The following PRCP variants were observed in gnomAD, a reference collection of about 807,000 sequenced individuals.
PRCP encodes lysosomal Pro-X carboxypeptidase.
In PRCP, 46 loss-of-function variants were observed where a neutral mutation model predicts 54.2. The ratio of observed to expected loss-of-function variants is 0.85; its 90% CI spans 0.67 to 1.09. The LOEUF is 1.09. Among genes scored for constraint, PRCP ranks in the 50% least tolerant of loss-of-function variants. PRCP has a pLI of 0.00. For synonymous variants in PRCP, 240 were observed against 212.2 expected (o/e 1.13, Z -1.14); for missense variants, 613 against 596.8 (o/e 1.03, Z -0.28).
At chr11:82,900,116 C>G in intron 1 of PRCP, 119 bp downstream of exon 1, 2 of 1,324,464 alleles carry the variant, frequency 1.5e-6, no homozygotes, top group Non-Finnish European at 2.1e-6. Context: ...AGCCAAAAAC[C>G]GAACAGATCC....
chr11:82,839,362 G>A lies in PRCP; in HGVS notation c.985C>T (p.Gln329Ter), dbSNP rs1008220080. 1.9e-6 allele frequency: 3 copies of A among 1,613,714 alleles called. No individual in the cohort carries two copies. The highest frequency in any genetic ancestry group is 2.5e-6 in the Non-Finnish European group (3 of 1,179,814). Residue 329 changes from glutamine to a stop codon, truncating the protein, a stop_gained, in exon 7 of 9, where the codon CAA (glutamine) becomes TAA (stop). Coordinates refer to ENST00000313010, the MANE Select transcript of PRCP (RefSeq NM_005040.4). LOFTEE classifies it high-confidence loss of function. ...SDSLLLQNIF[Q>*]ALNVYYNYSG... ...TAATTGTAATATACATTCAGAGCTT[G>A]GAAAATATTCTGCAGCAGCAGTGAA...
intron 1 of PRCP, among the ~76,000 whole-genome samples, chr11:82,891,452 T>G (rs1022650299): frequency 3.9e-5 from 6 of 152,218 alleles, no homozygotes; most frequent in African/African-American, 9.6e-5. Context: ...TCTTAAGATT[T>G]ATTAATCAGA....
At chr11:82,875,746 T>C (rs943693735) in intron 1 of PRCP, among the ~76,000 whole-genome samples, 6 of 152,198 alleles carry the variant, frequency 3.9e-5, no homozygotes, top group Admixed American at 1.3e-4. Context: ...GTGATTGTTA[T>C]GGCAGCAAAG....
intron 1 of PRCP, among the ~76,000 whole-genome samples, chr11:82,890,738 T>C (rs1336057430): frequency 6.6e-6 from 1 of 152,240 alleles, no homozygotes; most frequent in Non-Finnish European, 1.5e-5. Flanking sequence ...TCTGAGGAAA[T>C]TGCTGTCAAG....
At chr11:82,880,103 G>A (rs1162683320) in intron 1 of PRCP, among the ~76,000 whole-genome samples, 1 of 152,220 alleles carries the variant, frequency 6.6e-6, no homozygotes, top group African/African-American at 2.4e-5. Context: ...AGTTTCTGCT[G>A]CCTTTTGTTC....
At chr11:82,854,056 T>C (rs1195839793) in intron 2 of PRCP, among the ~76,000 whole-genome samples, 1 of 152,224 alleles carries the variant, frequency 6.6e-6, no homozygotes, top group Non-Finnish European at 1.5e-5. Context: ...TCGTACTGAA[T>C]GGGCAAAAGC....
At chr11:82,856,242 C>T (rs1320655721) in intron 2 of PRCP, among the ~76,000 whole-genome samples, 3 of 152,166 alleles carry the variant, frequency 2.0e-5, no homozygotes, top group African/African-American at 7.2e-5. Flanking sequence ...GCACTGTTTG[C>T]AATATCAAAG....
upstream of PRCP, among the ~76,000 whole-genome samples, chr11:82,901,187 G>T (rs1325971419): frequency 6.6e-6 from 1 of 152,144 alleles, no homozygotes; most frequent in Non-Finnish European, 1.5e-5. Context: ...CCAAAACTGT[G>T]TTGCTCGCAC....
At chr11:82,835,737 A>AG (rs1379998567) in intron 8 of PRCP, 1 of 345,278 alleles carries the variant, frequency 2.9e-6, no homozygotes, top group African/African-American at 2.2e-5. Flanking sequence ...AAGAAAAAGG[A>AG]GAAAAAAAAG....
intron 3 of PRCP, among the ~76,000 whole-genome samples, chr11:82,852,694 G>T (rs1222376803): frequency 6.6e-6 from 1 of 152,048 alleles, no homozygotes; most frequent in Non-Finnish European, 1.5e-5. Flanking sequence ...TGTGAGAACA[G>T]GAAAGGCTGA....
chr11:82,890,508 C>A (rs77246540), intron 1 of PRCP, among the ~76,000 whole-genome samples: 4 of 151,980 alleles, frequency 2.6e-5, no homozygotes, highest in Non-Finnish European at 4.4e-5. Context: ...TTTCTTGTTC[C>A]GTCACTTTCT....
intron 1 of PRCP, among the ~76,000 whole-genome samples, chr11:82,890,824 T>A (rs1859991048): frequency 6.6e-6 from 1 of 152,238 alleles, no homozygotes; most frequent in Non-Finnish European, 1.5e-5. Context: ...GGTTACCTTC[T>A]TACGGAAATG....
Position 82,835,708 on chromosome 11 carries a change from C to T in PRCP, c.1274+2679G>A, listed in dbSNP as rs902923766. ...AAGACATTTCTGATGTTCTAGATGA[C>T]TTGAACTTCTTTAATCAGAAGAAAA... On this transcript the variant is annotated intron_variant, in intron 8 of 8. Transcript: ENST00000313010. 3.7e-5 allele frequency: 12 copies of T among 326,694 alleles called. No individual in the cohort carries two copies. The Admixed American group carries it at 4.7e-4, about 13-fold the overall frequency. The allele number at this position is 326,694 out of a possible 1,614,324, so 20.2% of individuals were successfully genotyped here. A position where few individuals can be genotyped will look rare whatever the true frequency, so the allele number is the denominator to read the frequency against.
intron 1 of PRCP, among the ~76,000 whole-genome samples, chr11:82,864,302 T>C (rs750340371): frequency 5.9e-5 from 9 of 152,256 alleles, no homozygotes; most frequent in Non-Finnish European, 1.2e-4. Context: ...GGCTCCTTCC[T>C]ATCATCAAGG....
chr11:82,872,720 T>C (rs1326108784), intron 1 of PRCP, among the ~76,000 whole-genome samples: 1 of 152,196 alleles, frequency 6.6e-6, no homozygotes, highest in Non-Finnish European at 1.5e-5. Flanking sequence ...TTTGGACTTC[T>C]GGCCTCGGGA....
chr11:82,879,297 C>A (rs1483755624), intron 1 of PRCP, among the ~76,000 whole-genome samples: 1 of 152,202 alleles, frequency 6.6e-6, no homozygotes, highest in East Asian at 1.9e-4. Context: ...ATCACTGATA[C>A]CCTTTCTTCC....
rs1296575932 is a variant in PRCP at position 82,853,201 on chromosome 11, G to GTGACAACTATACTCTCCAT, written c.386_387insATGGAGAGTATAGTTGTCA (p.Pro130TrpfsTer4). 3.1e-6 allele frequency: 5 copies of GTGACAACTATACTCTCCAT among 1,609,992 alleles called. No individual in the cohort carries two copies. In the East Asian group the frequency reaches 8.9e-5, roughly 29 times the overall value. ...CCTTGAATGAGTTGTCACCAAAGGG[G>GTGACAACTATACTCTCCAT]AGAGACTCTCCATAGTATCGATGTT... On this transcript the variant is annotated stop_gained and frameshift_variant, in exon 3 of 9. Coordinates refer to ENST00000313010, the MANE Select transcript of PRCP (RefSeq NM_005040.4). LOFTEE classifies it high-confidence loss of function.
At chr11:82,839,559 T>C in intron 6 of PRCP, 134 bp from the exon 7 acceptor site, 5 of 966,326 alleles carry the variant, frequency 5.2e-6, no homozygotes, top group Non-Finnish European at 7.6e-6. Context: ...AGTGTTTAAT[T>C]TCTCTCTTGG....
upstream of PRCP, chr11:82,900,902 T>C (rs1250314503): frequency 4.4e-6 from 2 of 456,092 alleles, no homozygotes; most frequent in South Asian, 1.5e-5. Context: ...GAAGGTTCAC[T>C]ACAGGCCAGT....
Sources: allele counts gnomAD v4.1 joint callset (sites outside exome capture counted in the v4.1 genomes callset), GRCh38; gene constraint gnomAD v4.1.1; transcripts MANE v1.5; gene names NCBI Gene and HGNC (gene_info 2026-07-23, HGNC 2026-07-21).